SELENOI: variants seen among roughly 807,000 people sequenced by gnomAD.
SELENOI encodes ethanolaminephosphotransferase 1.
A neutral mutation model predicts 50.7 loss-of-function variants in SELENOI; 24 were observed. The observed-to-expected ratio is 0.47, with a 90% CI of 0.34 to 0.67. The LOEUF (loss-of-function observed/expected upper bound fraction) is 0.67. Among genes scored for constraint, SELENOI ranks in the 30% least tolerant of loss-of-function variants. The pLI is 0.01. For missense variants in SELENOI, 352 were observed against 461.4 expected (o/e 0.76, Z 2.17); for synonymous variants, 155 against 170.2 (o/e 0.91, Z 0.70).
chr2:26,354,633 C>A (rs1467156308), intron 1 of SELENOI, among the ~76,000 whole-genome samples: 1 of 151,770 alleles, frequency 6.6e-6, no homozygotes, highest in South Asian at 2.1e-4. Context: ...CTTCATGATT[C>A]GCCCGCCTTG....
chr2:26,361,847 G>A (rs868167092), intron 1 of SELENOI, among the ~76,000 whole-genome samples: 2 of 152,022 alleles, frequency 1.3e-5, no homozygotes, highest in African/African-American at 2.4e-5. Context: ...TAGTAGACAC[G>A]GAGTTTCACC....
At chr2:26,354,572 T>C (rs944307578) in intron 1 of SELENOI, among the ~76,000 whole-genome samples, 1 of 151,712 alleles carries the variant, frequency 6.6e-6, no homozygotes, top group Non-Finnish European at 1.5e-5. Context: ...TTTTTTTTTT[T>C]AGTAGAGACG....
intron 6 of SELENOI, among the ~76,000 whole-genome samples, chr2:26,382,669 G>A (rs1309458665): frequency 2.0e-5 from 3 of 152,108 alleles, no homozygotes; most frequent in Admixed American, 6.5e-5. Flanking sequence ...ACCAGTGTGC[G>A]AATGGAAGTA....
intron 4 of SELENOI, among the ~76,000 whole-genome samples, chr2:26,372,440 G>C (rs951944423): frequency 5.3e-5 from 8 of 152,028 alleles, no homozygotes; most frequent in Non-Finnish European, 1.5e-5. Context: ...AATTCTCTGA[G>C]GGCACAGTTT....
intron 6 of SELENOI, among the ~76,000 whole-genome samples, chr2:26,381,344 T>A (rs1413802146): frequency 6.6e-6 from 1 of 151,702 alleles, no homozygotes; most frequent in Non-Finnish European, 1.5e-5. Flanking sequence ...CTATCACTGT[T>A]CTCTACTTGA....
intron 4 of SELENOI, among the ~76,000 whole-genome samples, chr2:26,368,867 C>G (rs1677345855): frequency 6.6e-6 from 1 of 152,136 alleles, no homozygotes; most frequent in Admixed American, 6.5e-5. Flanking sequence ...TACTTCAGGG[C>G]AAAAACTTTC....
rs190437454 is a variant in SELENOI, at chr2:26,395,143, C to T, written c.*6040C>T. 3.9e-5 allele frequency: 6 copies of T among 152,202 alleles called. No homozygotes were observed. The highest frequency in any genetic ancestry group is 2.6e-4 in the Admixed American group (4 of 15,292). The allele number at this position is 152,202 out of a possible 1,614,324, so 9.4% of individuals were successfully genotyped here. A position where few individuals can be genotyped will look rare whatever the true frequency, so the allele number is the denominator to read the frequency against. ...GGTTGTGTGTGATGTGTGTGTATGCCTATTTAATATGTACACATATATTCA... is the reference window on the plus strand; with the variant it reads ...GGTTGTGTGTGATGTGTGTGTATGCTTATTTAATATGTACACATATATTCA... On this transcript the variant is annotated 3_prime_UTR_variant, in exon 10 of 10. Transcript: ENST00000260585.
At chr2:26,382,116 A>G (rs1444387534) in intron 6 of SELENOI, among the ~76,000 whole-genome samples, 1 of 152,208 alleles carries the variant, frequency 6.6e-6, no homozygotes, top group Admixed American at 6.5e-5. Context: ...AGTTCAACCC[A>G]TCCCCATTGT....
rs774968473 is a variant in SELENOI at position 26,373,408 on chromosome 2, A to G, written c.352A>G (p.Thr118Ala). The change falls in exon 5 of 10, where the codon ACT becomes GCT. Residue 118 changes from threonine (T) to alanine (A), a missense_variant. Physicochemically the swap from Thr to Ala is moderately conservative, Grantham distance 58. Coordinates refer to ENST00000260585, the MANE Select transcript of SELENOI (RefSeq NM_033505.4). ...GKQARRTNSS[T>A]PLGELFDHGL... The stretch of plus-strand genomic sequence containing the variant: ...GCAAGCTCGCAGAACCAATTCTAGC[A>G]CTCCCTTAGGGGAGCTTTTTGATCA... 7 of 1,612,462 alleles carry G rather than the reference A, an allele frequency of 4.3e-6. No homozygotes were observed. Among genetic ancestry groups the G allele is most frequent in the Non-Finnish European group, 5.1e-6 (6 of 1,179,170 alleles).
intron 1 of SELENOI, among the ~76,000 whole-genome samples, chr2:26,353,289 G>C (rs1676997780): frequency 1.3e-5 from 2 of 152,174 alleles, no homozygotes; most frequent in African/African-American, 4.8e-5. Flanking sequence ...GTGGCTTATG[G>C]ACTTGGAATT....
chr2:26,378,212 G>C (rs185812065), intron 6 of SELENOI, among the ~76,000 whole-genome samples: 1 of 151,760 alleles, frequency 6.6e-6, no homozygotes, highest in Non-Finnish European at 1.5e-5. Flanking sequence ...CTGAATCTTC[G>C]GCTGCTCTTC....
At chr2:26,351,065 T>G (rs1295512707) in intron 1 of SELENOI, among the ~76,000 whole-genome samples, 3 of 148,898 alleles carry the variant, frequency 2.0e-5, no homozygotes, top group Non-Finnish European at 4.5e-5. Context: ...GTTTTTTTTT[T>G]TTTTTTTTTT....
chr2:26,364,453 A>G lies in SELENOI; in HGVS notation c.126+83A>G, dbSNP rs529998064. Reference sequence around the variant, plus strand: ...TATTTTATGGAGTATTATAAATGCAACTCTCAGTTTCATAAGATATTTAGA... The same window carrying G: ...TATTTTATGGAGTATTATAAATGCAGCTCTCAGTTTCATAAGATATTTAGA... On this transcript the variant is annotated intron_variant, in intron 2 of 9. Transcript: ENST00000260585. 56 of 874,822 alleles carry G rather than the reference A, an allele frequency of 6.4e-5. No homozygotes were observed. The Admixed American group carries it at 7.9e-4, about 12-fold the overall frequency. 54.2% of individuals were successfully genotyped at this position (874,822 alleles called of 1,614,324 possible).
chr2:26,363,173 A>T (rs1677218083), intron 1 of SELENOI, among the ~76,000 whole-genome samples: 1 of 152,210 alleles, frequency 6.6e-6, no homozygotes, highest in Admixed American at 6.5e-5. Flanking sequence ...CTTAAAACAT[A>T]TGTAATTATA....
chr2:26,386,125 T>G (rs2147963406), intron 8 of SELENOI, among the ~76,000 whole-genome samples: 1 of 152,266 alleles, frequency 6.6e-6, no homozygotes, highest in Non-Finnish European at 1.5e-5. Flanking sequence ...CCTTATTCAG[T>G]TATCTTCCAG....
At chr2:26,367,054 A>G in intron 3 of SELENOI, 92 bp from the exon 4 acceptor site, 2 of 1,069,896 alleles carry the variant, frequency 1.9e-6, no homozygotes, top group Non-Finnish European at 2.7e-6. Context: ...CTTCTAATGA[A>G]CAAATAGCGA....
intron 1 of SELENOI, among the ~76,000 whole-genome samples, chr2:26,349,950 A>T (rs1356253939): frequency 6.6e-6 from 1 of 150,572 alleles, no homozygotes; most frequent in Non-Finnish European, 1.5e-5. Context: ...AAAAAAAAAA[A>T]AAAAAAAAAT....
At chr2:26,354,638 G>A (rs148061055) in intron 1 of SELENOI, among the ~76,000 whole-genome samples, 134 of 151,874 alleles carry the variant, frequency 8.8e-4, no homozygotes, top group African/African-American at 2.9e-3. Flanking sequence ...TGATTCGCCC[G>A]CCTTGGCCTT....
At position 26,389,542 on chromosome 2, in the gene SELENOI, G is replaced by A; in HGVS notation, c.*439G>A. The A allele has an allele frequency of 6.5e-6, 1 of 153,982 alleles. No homozygotes were observed. The highest frequency in any genetic ancestry group is 1.5e-5 in the Non-Finnish European group (1 of 68,840). The allele number at this position is 153,982 out of a possible 1,614,324, so 9.5% of individuals were successfully genotyped here. A position where few individuals can be genotyped will look rare whatever the true frequency, so the allele number is the denominator to read the frequency against. On this transcript the variant is annotated 3_prime_UTR_variant, in exon 10 of 10. Transcript: ENST00000260585. ...TAGTCCAAACCTAGTATAGGGAAAGGATAAAAATAAGTCACCTTCACCAAG... is the reference window on the plus strand; with the variant it reads ...TAGTCCAAACCTAGTATAGGGAAAGAATAAAAATAAGTCACCTTCACCAAG...
Sources: gnomAD v4.1 joint callset for allele counts (sites outside exome capture counted in the v4.1 genomes callset) on GRCh38, gnomAD v4.1.1 for gene constraint, MANE v1.5 for transcripts, NCBI Gene and HGNC (gene_info 2026-07-23, HGNC 2026-07-21) for gene names.